The following RCOR2 variants were observed in gnomAD, a reference collection of about 807,000 sequenced individuals.
The protein encoded by RCOR2 is REST corepressor 2.
In RCOR2, 19 loss-of-function variants were observed where a neutral mutation model predicts 58.9. The observed-to-expected ratio is 0.32, with a 90% CI of 0.23 to 0.47. RCOR2 has a LOEUF of 0.47. RCOR2 is among the 20% of genes least tolerant of loss of function. RCOR2 has a pLI of 1.00. For synonymous variants in RCOR2, 286 were observed against 278.7 expected (o/e 1.03, Z -0.26); for missense variants, 590 against 707.9 (o/e 0.83, Z 1.89).
rs1158321996 is a variant in RCOR2 at position 63,912,434 on chromosome 11, G to A, written c.1128C>T (p.Arg376=). The part of the protein sequence containing the change: ...VKTFFVSYRR[R]FNLEEVLQEW... ...CCTGCAGCACCTCCTCCAGATTGAA[G>A]CGGCGCCGGTAGCTCACAAAGAAAG... Residue 376 remains arginine (R), a synonymous_variant, in exon 11 of 12, where the codon CGC becomes CGT. Transcript: ENST00000301459. 1 of 1,613,996 alleles carries A rather than the reference G, an allele frequency of 6.2e-7. No homozygotes were observed. The highest frequency in any genetic ancestry group is 1.7e-5 in the Admixed American group (1 of 60,028).
the RCOR2 span, among the ~76,000 whole-genome samples, chr11:63,924,253 G>C: frequency 2.6e-5 from 4 of 152,210 alleles, no homozygotes; most frequent in East Asian, 5.8e-4. Flanking sequence ...TGTTGCCCAG[G>C]CTGGAGTCTG....
At chr11:63,921,072 A>G (rs1026961751), upstream of RCOR2, among the ~76,000 whole-genome samples, 6 of 152,332 alleles carry the variant, frequency 3.9e-5, no homozygotes, top group African/African-American at 1.4e-4. Flanking sequence ...GGGGTCAGCA[A>G]GGAGACTCCA....
the RCOR2 span, among the ~76,000 whole-genome samples, chr11:63,927,166 C>T: frequency 2.0e-5 from 3 of 152,138 alleles, no homozygotes; most frequent in African/African-American, 7.2e-5. Context: ...TCTTACTTAC[C>T]TTTCGAAATG....
At chr11:63,924,356 C>T in the RCOR2 span, among the ~76,000 whole-genome samples, 1 of 152,070 alleles carries the variant, frequency 6.6e-6, no homozygotes, top group Non-Finnish European at 1.5e-5. Flanking sequence ...TACAGGCATG[C>T]ACCACCATAC....
intron 11 of RCOR2, 31 bp downstream of exon 11, chr11:63,912,274 C>T (rs1941778211): frequency 1.2e-6 from 2 of 1,601,422 alleles, no homozygotes; most frequent in Non-Finnish European, 1.7e-6. Flanking sequence ...CGCCTCTCCT[C>T]TCTGAGGGGT....
At chr11:63,927,577 C>A in the RCOR2 span, among the ~76,000 whole-genome samples, 1 of 152,114 alleles carries the variant, frequency 6.6e-6, no homozygotes, top group Non-Finnish European at 1.5e-5. Flanking sequence ...CCCCACATAC[C>A]TTTTTATCAC....
chr11:63,925,383 T>C, the RCOR2 span, among the ~76,000 whole-genome samples: 22 of 152,100 alleles, frequency 1.4e-4, no homozygotes, highest in African/African-American at 5.1e-4. Context: ...GCTTCAGAAA[T>C]GAACTAGAAA....
rs1356347400 is a variant in RCOR2, at chr11:63,913,180, A to T, written c.892-233T>A. ...TTATTTTTTATATATATATATATATATATATTTTTTTTTTTTTTTTTTTGA... is the reference window on the plus strand; with the variant it reads ...TTATTTTTTATATATATATATATATTTATATTTTTTTTTTTTTTTTTTTGA... On this transcript the variant is annotated intron_variant, in intron 8 of 11. Coordinates refer to ENST00000301459, the MANE Select transcript of RCOR2 (RefSeq NM_173587.4). Among the ~76,000 whole-genome samples, 306 of 104,238 alleles carry T rather than the reference A, an allele frequency of 2.9e-3. 1 individual carries two copies. Among genetic ancestry groups the T allele is most frequent in the African/African-American group, 0.011 (290 of 26,314 alleles). The allele number at this position is 104,238 out of a possible 152,430, so 68.4% of individuals were successfully genotyped here.
Position 63,915,259 on chromosome 11 carries a change from C to G in RCOR2, c.185-1G>C, listed in dbSNP as rs1334842540. On this transcript the variant is annotated splice_acceptor_variant, in intron 2 of 11. Coordinates refer to ENST00000301459, the MANE Select transcript of RCOR2 (RefSeq NM_173587.4). LOFTEE classifies it high-confidence loss of function. ...TTGTTGCTGTAGCGTGCGGGGCTCT[C>G]TGAAAGGCCGAGGAGCAGGAGGGAA... 6.4e-7 allele frequency: 1 copy of G among 1,551,310 alleles called. No homozygotes were observed. The highest frequency in any genetic ancestry group is 8.7e-7 in the Non-Finnish European group (1 of 1,146,952).
rs1014102129 is a variant in RCOR2, at chr11:63,914,296, C to T, written c.640G>A (p.Glu214Lys). 6.2e-7 allele frequency: 1 copy of T among 1,613,470 alleles called. No homozygotes were observed. Among genetic ancestry groups the T allele is most frequent in the African/African-American group, 1.3e-5 (1 of 74,884 alleles). The change falls in exon 7 of 12, where the codon GAG becomes AAG. Residue 214 changes from glutamate to lysine, a missense_variant. Transcript: ENST00000301459. Reference sequence around the variant, plus strand: ...GGATCTGCAGGATCGGGCTCTCCCTCACTCACGCCTCCTCGACCCTCTTCG... The same window carrying T: ...GGATCTGCAGGATCGGGCTCTCCCTTACTCACGCCTCCTCGACCCTCTTCG... ...ELEEGRGGVS[E>K]GEPDPADPKR...
chr11:63,914,223 G>C, intron 7 of RCOR2, 38 bp downstream of exon 7: 1 of 1,613,434 alleles, frequency 6.2e-7, no homozygotes, highest in African/African-American at 1.3e-5. Flanking sequence ...AGAGGCAAGA[G>C]GACAGGCAGG....
Position 63,916,474 on chromosome 11 carries a change from C to A in RCOR2, c.-18G>T. 6.2e-7 allele frequency: 1 copy of A among 1,601,668 alleles called. No homozygotes were observed. Among genetic ancestry groups the A allele is most frequent in the East Asian group, 2.2e-5 (1 of 44,522 alleles). ...GAGGGCATTACCCCGCCCAGCTGCC[C>A]CGGGGGGCGCAGGAGCCTTCGGAGA... On this transcript the variant is annotated 5_prime_UTR_variant, in exon 1 of 12. Transcript: ENST00000301459.
chr11:63,918,384 C>T (rs571818993), upstream of RCOR2, among the ~76,000 whole-genome samples: 1 of 152,256 alleles, frequency 6.6e-6, no homozygotes, highest in African/African-American at 2.4e-5. Context: ...GGGACTCCTG[C>T]GGACAGCCAG....
chr11:63,914,679 T>A lies in RCOR2; in HGVS notation c.456A>T (p.Lys152Asn). The change falls in exon 5 of 12, where the codon AAA (lysine) becomes AAT (asparagine). Residue 152 changes from lysine to asparagine, a missense_variant. Coordinates refer to ENST00000301459, the MANE Select transcript of RCOR2 (RefSeq NM_173587.4). ...CCATCTGCTGGATCCGCTGGAAGCA[T>A]TTGCCATGGAAGCCAAAGGCCTGTT... ...LFEQAFGFHG[K>N]CFQRIQQMLP... The A allele has an allele frequency of 6.2e-7, 1 of 1,608,342 alleles. No homozygotes were observed. The highest frequency in any genetic ancestry group is 8.5e-7 in the Non-Finnish European group (1 of 1,176,696).
At chr11:63,924,156 C>T in the RCOR2 span, among the ~76,000 whole-genome samples, 2 of 152,146 alleles carry the variant, frequency 1.3e-5, no homozygotes, top group Non-Finnish European at 2.9e-5. Context: ...GATGTGCCCA[C>T]CTCAGCCTCC....
chr11:63,914,391 T>G, intron 6 of RCOR2, 26 bp downstream of exon 6: 1 of 1,613,278 alleles, frequency 6.2e-7, no homozygotes, highest in Admixed American at 1.7e-5. Flanking sequence ...CCTACCCCCA[T>G]GCCCAGTGCT....
chr11:63,915,250 C>A lies in RCOR2; in HGVS notation c.193G>T (p.Ala65Ser). The change falls in exon 3 of 12, where the codon GCA becomes TCA. Residue 65 changes from alanine to serine, a missense_variant. Around this residue, in one of 3 missense-constraint regions of RCOR2, gnomAD observed 390 missense variants for 478.7 expected, o/e 0.81. Coordinates refer to ENST00000301459, the MANE Select transcript of RCOR2 (RefSeq NM_173587.4). ...VIPECKPESP[A>S]RYSNKELKGM... Reference sequence around the variant, plus strand: ...TTCAGCTCCTTGTTGCTGTAGCGTGCGGGGCTCTCTGAAAGGCCGAGGAGC... The same window carrying A: ...TTCAGCTCCTTGTTGCTGTAGCGTGAGGGGCTCTCTGAAAGGCCGAGGAGC... The A allele has an allele frequency of 6.4e-7, 1 of 1,551,280 alleles. No homozygotes were observed. The highest frequency in any genetic ancestry group is 8.7e-7 in the Non-Finnish European group (1 of 1,146,922).
At position 63,916,957 on chromosome 11, in the gene RCOR2, G is replaced by T; in HGVS notation, c.-501C>A. 1 of 142,818 alleles carries T rather than the reference G, an allele frequency of 7.0e-6. No individual in the cohort carries two copies. The highest frequency in any genetic ancestry group is 1.9e-4 in the South Asian group (1 of 5,346). The allele number at this position is 142,818 out of a possible 1,614,324, so 8.8% of individuals were successfully genotyped here. ...CAGACCCCTGCCCGCGACGGCAGCCGGCCGGGGCACCGGCGGCGGCGGCGG... is the reference window on the plus strand; with the variant it reads ...CAGACCCCTGCCCGCGACGGCAGCCTGCCGGGGCACCGGCGGCGGCGGCGG... On this transcript the variant is annotated 5_prime_UTR_variant, in exon 1 of 12. Coordinates refer to ENST00000301459, the MANE Select transcript of RCOR2 (RefSeq NM_173587.4).
At position 63,911,521 on chromosome 11, in the gene RCOR2, C is replaced by G. The variant is rs1201254967; in HGVS notation, c.*344G>C. 5.2e-6 allele frequency: 1 copy of G among 193,832 alleles called. No individual in the cohort carries two copies. The highest frequency in any genetic ancestry group is 1.0e-5 in the Non-Finnish European group (1 of 95,998). 12.0% of individuals were successfully genotyped at this position (193,832 alleles called of 1,614,324 possible). A position where few individuals can be genotyped will look rare whatever the true frequency, so the allele number is the denominator to read the frequency against. The stretch of plus-strand genomic sequence containing the variant: ...AACAGCCAGCACACCCAACTGCCCT[C>G]TCCCCACTCCACGCTAAGGTCACTA... On this transcript the variant is annotated 3_prime_UTR_variant, in exon 12 of 12. Coordinates refer to ENST00000301459, the MANE Select transcript of RCOR2 (RefSeq NM_173587.4).
Sources: gnomAD v4.1 joint callset for allele counts (sites outside exome capture counted in the v4.1 genomes callset) on GRCh38, gnomAD v4.1.1 for gene constraint, gnomAD v4.1.1 regional missense constraint, MANE v1.5 for transcripts, NCBI Gene and HGNC (gene_info 2026-07-23, HGNC 2026-07-21) for gene names.